NCAM1: variants seen among roughly 807,000 people sequenced by gnomAD.
NCAM1 encodes the protein neural cell adhesion molecule 1.
In NCAM1, 14 loss-of-function variants were observed where a neutral mutation model predicts 109.8. The ratio of observed to expected loss-of-function variants is 0.13; its 90% CI spans 0.08 to 0.20. NCAM1 has a LOEUF of 0.20. NCAM1 is among the 10% of genes least tolerant of loss of function. The pLI, the probability that NCAM1 is intolerant of heterozygous loss-of-function variation, is 1.00. For synonymous variants in NCAM1, 418 were observed against 442.9 expected (o/e 0.94, Z 0.70); for missense variants, 774 against 1,109.9 (o/e 0.70, Z 4.30).
chr11:113,202,437 ATTC>A lies in NCAM1; in HGVS notation c.117_119del (p.Phe39del). On this transcript the variant is annotated inframe_deletion, in exon 2 of 20. Coordinates refer to ENST00000316851, the MANE Select transcript of NCAM1 (RefSeq NM_181351.5). Reference sequence around the variant, plus strand: ...GGGAGATCAGCGTTGGAGAGTCCAAATTCTTCTTATGCCAAGGCAAGTGCCTAG... The same window carrying A: ...GGGAGATCAGCGTTGGAGAGTCCAAATTCTTATGCCAAGGCAAGTGCCTAG... The A allele has an allele frequency of 6.2e-7, 1 of 1,610,616 alleles. No homozygotes were observed. The highest frequency in any genetic ancestry group is 8.5e-7 in the Non-Finnish European group (1 of 1,179,118).
intron 17 of NCAM1, among the ~76,000 whole-genome samples, chr11:113,267,163 A>G (rs1946148043): frequency 6.6e-6 from 1 of 152,194 alleles, no homozygotes; most frequent in Admixed American, 6.5e-5. Context: ...TCTGGTTATA[A>G]CACCTTTAAA....
chr11:113,271,972 C>T, intron 19 of NCAM1, 96 bp downstream of exon 19: 1 of 867,322 alleles, frequency 1.2e-6, no homozygotes, highest in Non-Finnish European at 1.7e-6. Flanking sequence ...ACCCACAGCT[C>T]CCGGCCAAAC....
chr11:113,231,267 T>C (rs1555117146), intron 9 of NCAM1: 5 of 1,536,122 alleles, frequency 3.3e-6, no homozygotes, highest in Non-Finnish European at 4.4e-6. Flanking sequence ...TCCCAGGATC[T>C]CATGAGGTAG....
At chr11:113,064,861 C>A (rs1270775399) in intron 1 of NCAM1, among the ~76,000 whole-genome samples, 1 of 152,004 alleles carries the variant, frequency 6.6e-6, no homozygotes, top group Non-Finnish European at 1.5e-5. Flanking sequence ...TAATATAGAT[C>A]AAGATGGTTT....
intron 1 of NCAM1, among the ~76,000 whole-genome samples, chr11:113,189,617 T>A (rs561971529): frequency 6.6e-6 from 1 of 152,212 alleles, no homozygotes; most frequent in African/African-American, 2.4e-5. Flanking sequence ...TCCATTCTGA[T>A]TTTAGTCCTT....
intron 1 of NCAM1, among the ~76,000 whole-genome samples, chr11:113,195,037 G>T (rs1401583338): frequency 5.9e-5 from 9 of 152,244 alleles, no homozygotes. Context: ...TTTAAGCCAT[G>T]AGGATACTTC....
chr11:113,159,794 G>A (rs1942538308), intron 1 of NCAM1, among the ~76,000 whole-genome samples: 1 of 151,392 alleles, frequency 6.6e-6, no homozygotes, highest in Non-Finnish European at 1.5e-5. Flanking sequence ...CCATGTTGGT[G>A]TGCTGCACCT....
At chr11:113,103,788 C>T (rs1029586984) in intron 1 of NCAM1, among the ~76,000 whole-genome samples, 1 of 152,050 alleles carries the variant, frequency 6.6e-6, no homozygotes, top group African/African-American at 2.4e-5. Flanking sequence ...CCTTTATAGC[C>T]CTGAAGTAAC....
At chr11:112,982,816 G>A (rs4439550) in intron 1 of NCAM1, among the ~76,000 whole-genome samples, 68,357 of 151,602 alleles carry the variant, frequency 0.45, 16,283 homozygotes, top group East Asian at 0.8. Context: ...CTTGGGAAAG[G>A]TGACCCTGAG....
rs576622132 is a variant in NCAM1, at chr11:113,166,896, A to G, written c.53-35483A>G. On this transcript the variant is annotated intron_variant, in intron 1 of 19. Transcript: ENST00000316851. ...AGCACTTTTTAGTAATCACAAATTC[A>G]GCTGGGTTAAGTCAAATTTCAGATT... Among the ~76,000 whole-genome samples the G allele has an allele frequency of 2.0e-5, 3 of 152,370 alleles. No individual in the cohort carries two copies. In the East Asian group the frequency reaches 5.8e-4, roughly 29 times the overall value.
chr11:113,135,300 C>T (rs1941556641), intron 1 of NCAM1, among the ~76,000 whole-genome samples: 1 of 152,008 alleles, frequency 6.6e-6, no homozygotes, highest in Non-Finnish European at 1.5e-5. Context: ...TTTTAAATGT[C>T]ATCTGTAAAA....
At chr11:113,125,127 C>T (rs1485660056) in intron 1 of NCAM1, among the ~76,000 whole-genome samples, 1 of 152,194 alleles carries the variant, frequency 6.6e-6, no homozygotes. Context: ...CCCTCGTATT[C>T]TGAAGCACAG....
In NCAM1 at chr11:113,205,581, C is replaced by G. The variant is rs782230366; in HGVS notation, c.405C>G (p.Ala135=). The G allele has an allele frequency of 7.4e-6, 12 of 1,613,530 alleles. No homozygotes were observed. The highest frequency in any genetic ancestry group is 1.0e-5 in the Non-Finnish European group (12 of 1,179,658). Residue 135 remains alanine (A), a synonymous_variant, in exon 4 of 20, where the codon GCC becomes GCG. Transcript: ENST00000316851. ...TPQEFREGED[A]VIVCDVVSSL... ...AGGAGTTCCGGGAGGGGGAAGATGC[C>G]GTGATTGTGTGTGATGTGGTCAGCT... is the stretch of plus-strand genomic sequence containing the variant.
In NCAM1 at chr11:113,232,289, C is replaced by G; in HGVS notation, c.1360C>G (p.Leu454Val). 3 of 1,613,946 alleles carry G rather than the reference C, an allele frequency of 1.9e-6. No individual in the cohort carries two copies. The highest frequency in any genetic ancestry group is 2.5e-6 in the Non-Finnish European group (3 of 1,179,858). Residue 454 changes from leucine to valine, a missense_variant, in exon 11 of 20, where the codon CTG (leucine) becomes GTG (valine). Leu to Val is a conservative substitution (Grantham distance 32). Coordinates refer to ENST00000316851, the MANE Select transcript of NCAM1 (RefSeq NM_181351.5). ...GATCTCATGGTTTCGGGATGGCCAG[C>G]TGCTGCCAAGCTCCAATTACAGCAA... is the stretch of plus-strand genomic sequence containing the variant. ...ATISWFRDGQ[L>V]LPSSNYSNIK...
intron 1 of NCAM1, among the ~76,000 whole-genome samples, chr11:113,150,626 C>G (rs2136266654): frequency 6.6e-6 from 1 of 152,276 alleles, no homozygotes; most frequent in African/African-American, 2.4e-5. Context: ...GGAGGCAAGA[C>G]AAACCGACAT....
At chr11:113,057,446 G>T (rs567125962) in intron 1 of NCAM1, among the ~76,000 whole-genome samples, 1 of 152,032 alleles carries the variant, frequency 6.6e-6, no homozygotes, top group East Asian at 1.9e-4. Flanking sequence ...GACCATGGAA[G>T]AATTTAAAGA....
At chr11:113,264,348 T>C (rs1229179023) in intron 17 of NCAM1, 1 of 985,326 alleles carries the variant, frequency 1.0e-6, no homozygotes, top group Non-Finnish European at 1.2e-6. Flanking sequence ...ATGTTGGCGC[T>C]CGCCATTAAT....
intron 14 of NCAM1, chr11:113,236,191 C>A: frequency 9.0e-7 from 1 of 1,110,558 alleles, no homozygotes. Flanking sequence ...GAGTTTCCAG[C>A]TCCATGTGCT....
chr11:113,080,812 A>G (rs1383114261), intron 1 of NCAM1, among the ~76,000 whole-genome samples: 2 of 152,310 alleles, frequency 1.3e-5, no homozygotes, highest in Middle Eastern at 3.4e-3. Context: ...AAGTCATTGT[A>G]TATGTAGTTA....
Sources: gnomAD v4.1 joint callset for allele counts (sites outside exome capture counted in the v4.1 genomes callset) on GRCh38, gnomAD v4.1.1 for gene constraint, MANE v1.5 for transcripts, NCBI Gene and HGNC (gene_info 2026-07-23, HGNC 2026-07-21) for gene names.